The following CAPZB variants were observed in gnomAD, a reference collection of about 807,000 sequenced individuals.
The protein encoded by CAPZB is F-actin-capping protein subunit beta.
Under a neutral mutation model 38.1 loss-of-function variants are expected in CAPZB, and 2 were observed. That is an observed-to-expected ratio of 0.05 (90% CI 0.02 to 0.17). The LOEUF (loss-of-function observed/expected upper bound fraction) is 0.17. CAPZB is among the 10% of genes least tolerant of loss of function. The probability of loss-of-function intolerance (pLI) is 1.00; values close to 1 mark genes in which losing one functional copy is unlikely to be tolerated. For synonymous variants in CAPZB, 107 were observed against 127.4 expected (o/e 0.84, Z 1.08); for missense variants, 161 against 334.2 (o/e 0.48, Z 4.04).
chr1:19,438,827 C>T (rs749565920), intron 1 of CAPZB, among the ~76,000 whole-genome samples: 1 of 152,224 alleles, frequency 6.6e-6, no homozygotes, highest in East Asian at 1.9e-4. Context: ...CCACCGGGGC[C>T]GGCGGGCACT....
intron 4 of CAPZB, among the ~76,000 whole-genome samples, chr1:19,371,759 C>G (rs574019337): frequency 4.2e-4 from 64 of 152,350 alleles, no homozygotes; most frequent in African/African-American, 1.4e-3. Flanking sequence ...TCCACACTCA[C>G]GTCCCGAGGA....
intron 2 of CAPZB, among the ~76,000 whole-genome samples, chr1:19,405,074 G>C (rs1031590435): frequency 6.6e-6 from 1 of 152,110 alleles, no homozygotes; most frequent in African/African-American, 2.4e-5. Context: ...TGAGTCCCAG[G>C]GGCTGAGGTC....
chr1:19,370,225 C>T (rs1047242009), intron 4 of CAPZB, among the ~76,000 whole-genome samples: 1 of 152,238 alleles, frequency 6.6e-6, no homozygotes, highest in Non-Finnish European at 1.5e-5. Flanking sequence ...TCCCACTGCT[C>T]AGGGCACTGT....
intron 1 of CAPZB, among the ~76,000 whole-genome samples, chr1:19,426,244 T>C (rs1203422350): frequency 5.3e-5 from 8 of 152,268 alleles, no homozygotes; most frequent in Non-Finnish European, 1.0e-4. Flanking sequence ...GTAAGGCATC[T>C]GTGCCACATT....
intron 2 of CAPZB, among the ~76,000 whole-genome samples, chr1:19,399,627 G>A (rs1209418036): frequency 6.6e-6 from 1 of 152,204 alleles, no homozygotes; most frequent in African/African-American, 2.4e-5. Flanking sequence ...TCTGAGAGAG[G>A]AGCACTTTGA....
chr1:19,403,554 G>A (rs973395740), intron 2 of CAPZB, among the ~76,000 whole-genome samples: 1 of 152,228 alleles, frequency 6.6e-6, no homozygotes, highest in African/African-American at 2.4e-5. Flanking sequence ...CCACCTAGAT[G>A]TGTTCTCCGG....
chr1:19,452,536 G>A (rs1053799578), intron 1 of CAPZB, among the ~76,000 whole-genome samples: 10 of 152,176 alleles, frequency 6.6e-5, no homozygotes, highest in Non-Finnish European at 8.8e-5. Flanking sequence ...GCCAAGGCAG[G>A]CCTTCCACTG....
At chr1:19,373,560 A>C (rs1221417643) in intron 4 of CAPZB, among the ~76,000 whole-genome samples, 1 of 152,160 alleles carries the variant, frequency 6.6e-6, no homozygotes, top group Non-Finnish European at 1.5e-5. Context: ...GCCTCTGGGG[A>C]GACGGTAAGT....
intron 1 of CAPZB, among the ~76,000 whole-genome samples, chr1:19,473,664 G>T (rs1293285537): frequency 1.3e-5 from 2 of 152,104 alleles, no homozygotes; most frequent in African/African-American, 2.4e-5. Context: ...AGGAGTTCGA[G>T]ACCAGCCTGC....
At chr1:19,350,430 C>A (rs1535036) in intron 6 of CAPZB, among the ~76,000 whole-genome samples, 29,075 of 152,280 alleles carry the variant, frequency 0.19, 3,142 homozygotes, top group Non-Finnish European at 0.23. Context: ...CTCTGGCATC[C>A]TCCTGGTCAC....
At chr1:19,350,985 TCC>T (rs2093988523) in intron 6 of CAPZB, among the ~76,000 whole-genome samples, 3 of 149,052 alleles carry the variant, frequency 2.0e-5, no homozygotes, top group Non-Finnish European at 2.9e-5. Context: ...CAATGATCTT[TCC>T]TTTTTTTTTT....
chr1:19,469,823 G>C (rs559472438), intron 1 of CAPZB, among the ~76,000 whole-genome samples: 2 of 151,344 alleles, frequency 1.3e-5, no homozygotes, highest in African/African-American at 4.9e-5. Context: ...ACAGTAAAGG[G>C]CTTGCAAATT....
intron 1 of CAPZB, among the ~76,000 whole-genome samples, chr1:19,477,539 C>T (rs1413242246): frequency 1.3e-5 from 2 of 152,240 alleles, no homozygotes; most frequent in Non-Finnish European, 2.9e-5. Context: ...GAGCACAAAA[C>T]TGCAACGCAG....
chr1:19,461,219 A>T (rs770484424), intron 1 of CAPZB, among the ~76,000 whole-genome samples: 2 of 152,190 alleles, frequency 1.3e-5, no homozygotes, highest in Non-Finnish European at 2.9e-5. Flanking sequence ...GACTTGCACA[A>T]GGTCACCCAG....
intron 2 of CAPZB, among the ~76,000 whole-genome samples, chr1:19,398,920 C>G (rs1359668654): frequency 6.7e-6 from 1 of 150,028 alleles, no homozygotes; most frequent in Admixed American, 6.6e-5. Context: ...TGCAATGGAG[C>G]GATCTCGAGT....
chr1:19,466,478 G>A (rs1470092295), intron 1 of CAPZB, among the ~76,000 whole-genome samples: 4 of 152,218 alleles, frequency 2.6e-5, no homozygotes, highest in African/African-American at 7.2e-5. Context: ...TCACGGCGCA[G>A]GTGATGTGAG....
intron 1 of CAPZB, among the ~76,000 whole-genome samples, chr1:19,479,391 C>T (rs1322118427): frequency 1.3e-5 from 2 of 152,292 alleles, no homozygotes; most frequent in Middle Eastern, 3.4e-3. Context: ...GATCACTGGG[C>T]TACCCAGACT....
chr1:19,406,783 T>C (rs1334613440), intron 2 of CAPZB, among the ~76,000 whole-genome samples: 1 of 152,166 alleles, frequency 6.6e-6, no homozygotes, highest in Non-Finnish European at 1.5e-5. Context: ...TAGTCATCTC[T>C]TAAAACCCGG....
intron 6 of CAPZB, among the ~76,000 whole-genome samples, chr1:19,348,763 G>GA (rs2093976108): frequency 7.2e-6 from 1 of 138,076 alleles, no homozygotes; most frequent in African/African-American, 2.7e-5. Context: ...CTGACAAGGG[G>GA]GGGGGGCGGT....
Sources: allele counts gnomAD v4.1 joint callset (sites outside exome capture counted in the v4.1 genomes callset), GRCh38; gene constraint gnomAD v4.1.1; transcripts MANE v1.5; gene names NCBI Gene and HGNC (gene_info 2026-07-23, HGNC 2026-07-21).